Variants in WFDC11 observed in about 807,000 individuals in gnomAD.
The protein encoded by WFDC11 is WAP four-disulfide core domain 11, also known as protein WFDC11.
Under a neutral mutation model 9.9 loss-of-function variants are expected in WFDC11, and 9 were observed. The observed-to-expected ratio is 0.91, with a 90% CI of 0.55 to 1.58. The LOEUF is 1.58. WFDC11 is among the 40% of genes most tolerant of loss of function. The pLI is 0.00. For missense variants in WFDC11, 106 were observed against 101.7 expected, an observed-to-expected ratio of 1.04 and a Z score of -0.18; for synonymous variants, 32 against 33.3, an observed-to-expected ratio of 0.96 and a Z score of 0.13.
At chr20:45,666,314 C>T (rs947908355) in intron 2 of WFDC11, among the ~76,000 whole-genome samples, 9 of 152,208 alleles carry the variant, frequency 5.9e-5, no homozygotes, top group African/African-American at 1.7e-4. Context: ...CCTGATTTTC[C>T]AGGTACCATC....
chr20:45,663,126 A>G (rs1222760777), intron 2 of WFDC11, among the ~76,000 whole-genome samples: 3 of 152,194 alleles, frequency 2.0e-5, no homozygotes, highest in Non-Finnish European at 4.4e-5. Context: ...CAGAGATTCA[A>G]CTTCTTCCTG....
At position 45,665,234 on chromosome 20, in the gene WFDC11, G is replaced by A. The variant is rs201141067; in HGVS notation, c.-52+1854C>T. Among the ~76,000 whole-genome samples, 8 of 152,192 alleles carry A rather than the reference G, an allele frequency of 5.3e-5. No homozygotes were observed. In the East Asian group the frequency reaches 9.7e-4, roughly 18 times the overall value. ...CTATTGAAGCTTGTGCATGCATCAC[G>A]AAGTTCTCGTGCCATGGTTTTCAGC... is the stretch of plus-strand genomic sequence containing the variant. On this transcript the variant is annotated intron_variant, in intron 2 of 4. Coordinates refer to ENST00000324384, the MANE Select transcript of WFDC11 (RefSeq NM_147197.2).
intron 2 of WFDC11, among the ~76,000 whole-genome samples, chr20:45,651,285 A>G (rs1600935751): frequency 6.6e-6 from 1 of 152,330 alleles, no homozygotes; most frequent in African/African-American, 2.4e-5. Context: ...TGATGGTTTG[A>G]CATACAACTT....
intron 2 of WFDC11, among the ~76,000 whole-genome samples, chr20:45,664,307 A>G (rs1408404809): frequency 6.6e-6 from 1 of 152,038 alleles, no homozygotes; most frequent in Non-Finnish European, 1.5e-5. Context: ...TTTTGAGCCT[A>G]TGTGTGTCTG....
chr20:45,663,479 TG>T (rs1384463044), intron 2 of WFDC11, among the ~76,000 whole-genome samples: 2 of 152,224 alleles, frequency 1.3e-5, no homozygotes, highest in African/African-American at 4.8e-5. Flanking sequence ...CTTTTGAATT[TG>T]TTTGCTCTTG....
At chr20:45,654,711 A>T (rs1982884495) in intron 2 of WFDC11, among the ~76,000 whole-genome samples, 1 of 152,238 alleles carries the variant, frequency 6.6e-6, no homozygotes, top group South Asian at 2.1e-4. Flanking sequence ...GCAAAGAGAG[A>T]AGAATCAAAT....
chr20:45,656,033 C>G (rs940399521), intron 2 of WFDC11, among the ~76,000 whole-genome samples: 85 of 152,190 alleles, frequency 5.6e-4, no homozygotes, highest in African/African-American at 1.8e-3. Context: ...GATTCAATGC[C>G]ATCCACATCA....
At chr20:45,650,391 A>G (rs905378013) in intron 3 of WFDC11, 110 bp downstream of exon 3, 2 of 776,726 alleles carry the variant, frequency 2.6e-6, no homozygotes, top group Non-Finnish European at 4.3e-6. Context: ...GATGGGTGAT[A>G]CTACGAAGGT....
chr20:45,661,193 T>C (rs1436449352), intron 2 of WFDC11, among the ~76,000 whole-genome samples: 4 of 152,312 alleles, frequency 2.6e-5, no homozygotes, highest in South Asian at 2.1e-4. Flanking sequence ...TTTCATGTGT[T>C]TTTTGGCTGC....
At chr20:45,657,335 A>G (rs1600938893) in intron 2 of WFDC11, among the ~76,000 whole-genome samples, 1 of 151,540 alleles carries the variant, frequency 6.6e-6, no homozygotes, top group East Asian at 2.0e-4. Context: ...TCGCAAGGAC[A>G]AAAAACCAAA....
chr20:45,650,442 C>G (rs1435138356), intron 3 of WFDC11, 59 bp downstream of exon 3: 13 of 1,420,246 alleles, frequency 9.2e-6, no homozygotes, highest in Non-Finnish European at 1.1e-5. Flanking sequence ...AACCCCCTCC[C>G]TTGTTCAGAA....
chr20:45,652,617 C>T (rs991259456), intron 2 of WFDC11, among the ~76,000 whole-genome samples: 2 of 149,348 alleles, frequency 1.3e-5, no homozygotes, highest in Non-Finnish European at 3.0e-5. Flanking sequence ...AGGCTTCAGA[C>T]GATCAAACTA....
Position 45,650,651 on chromosome 20 carries a change from G to T in WFDC11, c.-51C>A. 1 of 1,471,974 alleles carries T rather than the reference G, an allele frequency of 6.8e-7. No homozygotes were observed. The allele number at this position is 1,471,974 out of a possible 1,614,324, so 91.2% of individuals were successfully genotyped here. ...AGGATTATTTTTCTTCCCAGTCGCT[G>T]CTAGAGATCAAGACATATAAATAGG... On this transcript the variant is annotated splice_region_variant and 5_prime_UTR_variant, in exon 3 of 5. Transcript: ENST00000324384.
intron 2 of WFDC11, among the ~76,000 whole-genome samples, chr20:45,651,837 T>G (rs1242338673): frequency 6.7e-6 from 1 of 148,824 alleles, no homozygotes; most frequent in Non-Finnish European, 1.5e-5. Flanking sequence ...CCTCACACAT[T>G]GCTAGTACAG....
chr20:45,662,929 C>T (rs1568663854), intron 2 of WFDC11, among the ~76,000 whole-genome samples: 1 of 152,158 alleles, frequency 6.6e-6, no homozygotes, highest in Non-Finnish European at 1.5e-5. Context: ...ATGATGCTGG[C>T]CTCATAAAAT....
rs1455116289 is a variant in WFDC11, at chr20:45,648,747, A to G, written c.244-8T>C. ...GTAATCTCCACTGGTTTCCTGTAAA[A>G]CAAAAAGGTTAGATTTTTAGAGGCT... On this transcript the variant is annotated splice_region_variant and splice_polypyrimidine_tract_variant and intron_variant, in intron 4 of 4. Transcript: ENST00000324384. 1 of 1,613,996 alleles carries G rather than the reference A, an allele frequency of 6.2e-7. No homozygotes were observed. Among genetic ancestry groups the G allele is most frequent in the Non-Finnish European group, 8.5e-7 (1 of 1,179,974 alleles).
intron 2 of WFDC11, among the ~76,000 whole-genome samples, chr20:45,654,172 T>G (rs1413295793): frequency 6.6e-6 from 1 of 152,200 alleles, no homozygotes; most frequent in Non-Finnish European, 1.5e-5. Flanking sequence ...ATTGACCACA[T>G]AGTTGGAAGT....
At chr20:45,659,869 C>T (rs1983017406) in intron 2 of WFDC11, among the ~76,000 whole-genome samples, 1 of 152,116 alleles carries the variant, frequency 6.6e-6, no homozygotes, top group Non-Finnish European at 1.5e-5. Flanking sequence ...AGTCTTTAAT[C>T]CATCTCGAGT....
intron 2 of WFDC11, among the ~76,000 whole-genome samples, chr20:45,651,998 C>T (rs1020678474): frequency 1.4e-4 from 22 of 152,220 alleles, no homozygotes; most frequent in Admixed American, 1.3e-3. Flanking sequence ...CTGTAGACTC[C>T]ACCTCTGGGG....
Sources: allele counts gnomAD v4.1 joint callset (sites outside exome capture counted in the v4.1 genomes callset), GRCh38; gene constraint gnomAD v4.1.1; transcripts MANE v1.5; gene names NCBI Gene and HGNC (gene_info 2026-07-23, HGNC 2026-07-21).